The following ZNF280C variants were observed in gnomAD, a reference collection of about 807,000 sequenced individuals.
ZNF280C encodes zinc finger protein 280C, also known as suppressor of hairy wing homolog 3.
In ZNF280C, 14 loss-of-function variants were observed where a neutral mutation model predicts 53.6. The observed-to-expected ratio is 0.26, with a 90% CI of 0.17 to 0.41. ZNF280C has a LOEUF of 0.41. Among genes scored for constraint, ZNF280C ranks in the 10% least tolerant of loss-of-function variants. The pLI is 1.00. For missense variants in ZNF280C, 416 were observed against 547.1 expected, an observed-to-expected ratio of 0.76 and a Z score of 2.39; for synonymous variants, 203 against 181.1, an observed-to-expected ratio of 1.12 and a Z score of -0.97.
chrX:130,236,151 T>C (rs976440088), intron 8 of ZNF280C, 63 bp downstream of exon 8: 9 of 789,080 alleles, frequency 1.1e-5, no homozygotes, highest in Non-Finnish European at 1.6e-5. Context: ...TGTATATCAA[T>C]TTTCAATATT....
chrX:130,262,929 A>G (rs1398716598), intron 1 of ZNF280C, among the ~76,000 whole-genome samples: 2 of 112,624 alleles, frequency 1.8e-5, no homozygotes, highest in Non-Finnish European at 3.7e-5. Flanking sequence ...ATTCTACAAA[A>G]AGTTAAAAAT....
rs148988487 is a variant in ZNF280C, at chrX:130,203,066, T to C, written c.*1911A>G. Reference sequence around the variant, plus strand: ...ATCAGAATCCCTAAGCTAATGTTAATGATAGGCCCAAGACAGAGCATGTAA... The same window carrying C: ...ATCAGAATCCCTAAGCTAATGTTAACGATAGGCCCAAGACAGAGCATGTAA... On this transcript the variant is annotated 3_prime_UTR_variant, in exon 19 of 19. Coordinates refer to ENST00000370978, the MANE Select transcript of ZNF280C (RefSeq NM_017666.5). 9.0e-6 allele frequency: 1 copy of C among 111,689 alleles called. No homozygotes were observed. Among genetic ancestry groups the C allele is most frequent in the Non-Finnish European group, 1.9e-5 (1 of 53,165 alleles). The allele number at this position is 111,689 out of a possible 1,213,427, so 9.2% of individuals were successfully genotyped here.
chrX:130,203,772 AGAAATTTT>A lies in ZNF280C; in HGVS notation c.*1197_*1204del. 8.9e-6 allele frequency: 1 copy of A among 112,681 alleles called. No individual in the cohort carries two copies. Among genetic ancestry groups the A allele is most frequent in the East Asian group, 2.8e-4 (1 of 3,618 alleles). The allele number at this position is 112,681 out of a possible 1,213,427, so 9.3% of individuals were successfully genotyped here. Reference sequence around the variant, plus strand: ...AACTGACTTTGGGAACTGTAATTGTAGAAATTTTGTTTTTCCAAAAACAAGAAAGTAAC... The same window carrying A: ...AACTGACTTTGGGAACTGTAATTGTAGTTTTTCCAAAAACAAGAAAGTAAC... On this transcript the variant is annotated 3_prime_UTR_variant, in exon 19 of 19. Coordinates refer to ENST00000370978, the MANE Select transcript of ZNF280C (RefSeq NM_017666.5).
At chrX:130,205,220 T>C in intron 17 of ZNF280C, 67 bp from the exon 18 acceptor site, 1 of 1,077,191 alleles carries the variant, frequency 9.3e-7, no homozygotes, top group Non-Finnish European at 1.3e-6. Context: ...ATTTAATACA[T>C]GGGTCCATAT....
Position 130,215,732 on chromosome X carries a change from T to C in ZNF280C, c.1838+59A>G, listed in dbSNP as rs146848239. The C allele has an allele frequency of 2.8e-4, 289 of 1,021,701 alleles. 2 individuals are homozygous for C. The East Asian group carries it at 8.0e-3, about 28-fold the overall frequency. The allele number at this position is 1,021,701 out of a possible 1,213,427, so 84.2% of individuals were successfully genotyped here. ...AAATGTGTAAGAGGGTTTTATGATA[T>C]GATAAATTATATACATAAGATTAAA... On this transcript the variant is annotated intron_variant, in intron 14 of 18. Coordinates refer to ENST00000370978, the MANE Select transcript of ZNF280C (RefSeq NM_017666.5).
Position 130,246,117 on chromosome X carries a change from GTAA to G in ZNF280C, c.178+739_178+741del, listed in dbSNP as rs1481013722. ...TCACCAGTATCTTCACTTTAACATT[GTAA>G]TAATGCCAAGTCTAATTACTCTAAC... On this transcript the variant is annotated intron_variant, in intron 3 of 18. Transcript: ENST00000370978. Among the ~76,000 whole-genome samples, 5 of 112,047 alleles carry G rather than the reference GTAA, an allele frequency of 4.5e-5. No homozygotes were observed. In the South Asian group the frequency reaches 1.1e-3, roughly 25 times the overall value.
At chrX:130,256,824 G>T (rs947510315) in intron 2 of ZNF280C, among the ~76,000 whole-genome samples, 1 of 110,000 alleles carries the variant, frequency 9.1e-6, no homozygotes, top group Admixed American at 9.8e-5. Context: ...GCTGGAACCC[G>T]GGAGGTAAAG....
intron 12 of ZNF280C, among the ~76,000 whole-genome samples, chrX:130,225,483 CTTG>C (rs2032211715): frequency 9.0e-6 from 1 of 111,323 alleles, no homozygotes; most frequent in Non-Finnish European, 1.9e-5. Flanking sequence ...TCTGAAAAGT[CTTG>C]TTGTTAAAAA....
At chrX:130,216,606 A>G (rs1477811842) in intron 13 of ZNF280C, among the ~76,000 whole-genome samples, 2 of 112,399 alleles carry the variant, frequency 1.8e-5, no homozygotes, top group African/African-American at 6.5e-5. Flanking sequence ...CAGAATGGCT[A>G]TAATAAACAG....
intron 16 of ZNF280C, among the ~76,000 whole-genome samples, chrX:130,205,988 AAG>A (rs1215972178): frequency 8.9e-6 from 1 of 112,089 alleles, no homozygotes; most frequent in East Asian, 2.7e-4. Flanking sequence ...GCTAGGCATC[AAG>A]AGACTCAAAG....
intron 1 of ZNF280C, among the ~76,000 whole-genome samples, chrX:130,261,418 A>T (rs1290390996): frequency 8.9e-6 from 1 of 112,667 alleles, no homozygotes; most frequent in Admixed American, 9.5e-5. Flanking sequence ...GAGCTAATTC[A>T]GTCTCCACAT....
chrX:130,217,328 C>T (rs149322572), intron 13 of ZNF280C, among the ~76,000 whole-genome samples: 8 of 111,671 alleles, frequency 7.2e-5, no homozygotes, highest in East Asian at 2.8e-4. Context: ...TTATGCTAAG[C>T]GAAAGAAACC....
intron 2 of ZNF280C, among the ~76,000 whole-genome samples, chrX:130,249,042 C>T (rs1432689835): frequency 1.8e-5 from 2 of 111,869 alleles, no homozygotes; most frequent in East Asian, 5.6e-4. Flanking sequence ...CAGCACCCTG[C>T]CCCTGAGCCA....
At chrX:130,244,015 C>A (rs1401590318) in intron 3 of ZNF280C, 150 bp from the exon 4 acceptor site, 4 of 339,829 alleles carry the variant, frequency 1.2e-5, no homozygotes, top group Non-Finnish European at 1.4e-5. Flanking sequence ...GATTCTGATT[C>A]CCGTGACTTG....
At chrX:130,252,013 C>G (rs1214972830) in intron 2 of ZNF280C, among the ~76,000 whole-genome samples, 1 of 111,596 alleles carries the variant, frequency 9.0e-6, no homozygotes, top group East Asian at 2.8e-4. Flanking sequence ...ATTTGGGAGG[C>G]TGGGGCAGGG....
chrX:130,250,086 T>C (rs771766361), intron 2 of ZNF280C, among the ~76,000 whole-genome samples: 5 of 111,399 alleles, frequency 4.5e-5, no homozygotes, highest in Admixed American at 9.6e-5. Context: ...TTTTCTAAGA[T>C]AGCCAAAAAA....
At chrX:130,237,702 CTG>C (rs1396377073) in intron 6 of ZNF280C, among the ~76,000 whole-genome samples, 3 of 111,651 alleles carry the variant, frequency 2.7e-5, no homozygotes, top group Admixed American at 1.9e-4. Context: ...TCTGTTAAAT[CTG>C]TGTTTCATTC....
Position 130,258,883 on chromosome X carries a change from G to T in ZNF280C, c.31+1536C>A, listed in dbSNP as rs6637705. ...CCATTTTTAATTATGTGACTCTGGA[G>T]AAATTACTTGAATCTATTTTCTCAC... On this transcript the variant is annotated intron_variant, in intron 2 of 18. Coordinates refer to ENST00000370978, the MANE Select transcript of ZNF280C (RefSeq NM_017666.5). Among the ~76,000 whole-genome samples, 728 of 111,582 alleles carry T rather than the reference G, an allele frequency of 6.5e-3. 14 individuals carry two copies. The East Asian group carries it at 0.098, about 15-fold the overall frequency.
intron 16 of ZNF280C, among the ~76,000 whole-genome samples, chrX:130,209,287 T>C (rs1002958408): frequency 2.7e-5 from 3 of 112,390 alleles, no homozygotes; most frequent in Non-Finnish European, 5.6e-5. Context: ...TCAATGCCTT[T>C]AGAAATATTC....
Sources: gnomAD v4.1 joint callset for allele counts (sites outside exome capture counted in the v4.1 genomes callset) on GRCh38, gnomAD v4.1.1 for gene constraint, MANE v1.5 for transcripts, NCBI Gene and HGNC (gene_info 2026-07-23, HGNC 2026-07-21) for gene names.